Variants in PAPOLA observed in about 807,000 individuals in gnomAD.
PAPOLA encodes poly(A) polymerase alpha.
In PAPOLA, 15 loss-of-function variants were observed where a neutral mutation model predicts 100.6. The ratio of observed to expected loss-of-function variants is 0.15; its 90% confidence interval spans 0.10 to 0.23. The LOEUF is 0.23. Ranked by LOEUF, PAPOLA falls within the 10% of genes least tolerant of loss-of-function variation. The probability of loss-of-function intolerance (pLI) is 1.00; values close to 1 mark genes in which losing one functional copy is unlikely to be tolerated. For missense variants in PAPOLA, 533 were observed against 884.2 expected (o/e 0.60, Z 5.04); for synonymous variants, 293 against 300.0 (o/e 0.98, Z 0.24).
At chr14:96,547,533 T>G (rs1006669438) in intron 15 of PAPOLA, among the ~76,000 whole-genome samples, 6 of 152,150 alleles carry the variant, frequency 3.9e-5, no homozygotes, top group Admixed American at 3.3e-4. Flanking sequence ...AGTTACTCTT[T>G]AGAGTTACTA....
intron 17 of PAPOLA, among the ~76,000 whole-genome samples, chr14:96,555,021 A>G (rs1012099378): frequency 6.6e-6 from 1 of 152,106 alleles, no homozygotes; most frequent in African/African-American, 2.4e-5. Context: ...AAAATGAGAG[A>G]GAAACTTCGG....
At chr14:96,526,281 A>T (rs1375370956) in intron 4 of PAPOLA, 1 of 152,252 alleles carries the variant, frequency 6.6e-6, no homozygotes, top group Non-Finnish European at 1.5e-5. Context: ...AAGAGGCAAT[A>T]AAGCTTGAAC....
At chr14:96,554,600 G>A (rs1901133601) in intron 17 of PAPOLA, among the ~76,000 whole-genome samples, 1 of 152,154 alleles carries the variant, frequency 6.6e-6, no homozygotes, top group South Asian at 2.1e-4. Flanking sequence ...CTCTGAGAGA[G>A]AGAGAGAGAA....
chr14:96,509,622 T>G (rs1180624678), intron 1 of PAPOLA, among the ~76,000 whole-genome samples: 1 of 152,202 alleles, frequency 6.6e-6, no homozygotes, highest in Non-Finnish European at 1.5e-5. Context: ...TATAGCCTGC[T>G]ATGCACCTAG....
chr14:96,534,588 C>A (rs1416828137), intron 10 of PAPOLA, 25 bp downstream of exon 10: 2 of 1,613,694 alleles, frequency 1.2e-6, no homozygotes, highest in Non-Finnish European at 8.5e-7. Flanking sequence ...TTTTCCCCTA[C>A]CAATTCACAC....
At position 96,552,576 on chromosome 14, in the gene PAPOLA, A is replaced by G. The variant is rs1430404863; in HGVS notation, c.1618A>G (p.Ser540Gly). The change falls in exon 17 of 22, where the codon AGT becomes GGT. Residue 540 changes from serine to glycine, a missense_variant. By Grantham distance (56) the Ser-to-Gly change is moderately conservative (BLOSUM62 0). Coordinates refer to ENST00000216277, the MANE Select transcript of PAPOLA (RefSeq NM_032632.5). Reference protein sequence around the residue: ...DNSMSVPSPTSATKTSPLNSS... With the variant: ...DNSMSVPSPTGATKTSPLNSS... ...CAGCATGTCTGTGCCTTCACCTACTAGTGCTACGAAGACCAGTCCATTGAA... is the reference window on the plus strand; with the variant it reads ...CAGCATGTCTGTGCCTTCACCTACTGGTGCTACGAAGACCAGTCCATTGAA... 16 of 1,613,940 alleles carry G rather than the reference A, an allele frequency of 9.9e-6. No homozygotes were observed. The highest frequency in any genetic ancestry group is 1.3e-5 in the Non-Finnish European group (15 of 1,179,912).
chr14:96,546,959 G>C (rs1176020354), intron 15 of PAPOLA, among the ~76,000 whole-genome samples: 1 of 152,090 alleles, frequency 6.6e-6, no homozygotes, highest in Non-Finnish European at 1.5e-5. Context: ...ACATCCTCAT[G>C]TTCATTTAAA....
chr14:96,529,703 CAG>C (rs1017824951), intron 6 of PAPOLA, among the ~76,000 whole-genome samples: 5 of 151,966 alleles, frequency 3.3e-5, no homozygotes, highest in Admixed American at 6.6e-5. Flanking sequence ...GCCTGGGCGA[CAG>C]AGCAAGACTC....
chr14:96,517,579 C>A (rs1897570599), intron 1 of PAPOLA, among the ~76,000 whole-genome samples: 2 of 151,858 alleles, frequency 1.3e-5, no homozygotes, highest in Non-Finnish European at 2.9e-5. Context: ...GAAAAAAAAA[C>A]CTGTGTGTGA....
At chr14:96,533,438 TAAA>T in intron 9 of PAPOLA, 1 of 981,496 alleles carries the variant, frequency 1.0e-6, no homozygotes, top group East Asian at 1.1e-4. Flanking sequence ...GGAGGAAAAA[TAAA>T]AAAAATTTAG....
chr14:96,548,323 T>C (rs1900555090), intron 16 of PAPOLA, among the ~76,000 whole-genome samples: 1 of 152,082 alleles, frequency 6.6e-6, no homozygotes, highest in Non-Finnish European at 1.5e-5. Context: ...TCGCTTTTTT[T>C]GGTGAATGTA....
At chr14:96,557,556 C>T (rs1595558576) in intron 19 of PAPOLA, among the ~76,000 whole-genome samples, 1 of 146,644 alleles carries the variant, frequency 6.8e-6, no homozygotes, top group Non-Finnish European at 1.5e-5. Flanking sequence ...TCTAAAAGCA[C>T]CAATTTCATT....
chr14:96,549,117 C>A (rs1424431853), intron 16 of PAPOLA, among the ~76,000 whole-genome samples: 1 of 152,146 alleles, frequency 6.6e-6, no homozygotes, highest in African/African-American at 2.4e-5. Context: ...TTTAGACTAG[C>A]TCCTGGCACA....
chr14:96,510,679 C>T (rs756029321), intron 1 of PAPOLA, among the ~76,000 whole-genome samples: 5 of 152,212 alleles, frequency 3.3e-5, no homozygotes, highest in African/African-American at 4.8e-5. Context: ...CATCTTTGAG[C>T]CTCTGCTGCT....
intron 9 of PAPOLA, chr14:96,533,085 C>T (rs922306714): frequency 5.3e-5 from 52 of 976,898 alleles, no homozygotes; most frequent in Middle Eastern, 5.2e-4. Flanking sequence ...ATTAAAGATA[C>T]GAATTTTCAT....
intron 15 of PAPOLA, among the ~76,000 whole-genome samples, chr14:96,544,630 T>C (rs1458414847): frequency 6.6e-6 from 1 of 152,072 alleles, no homozygotes; most frequent in Non-Finnish European, 1.5e-5. Context: ...TTAGGGATAC[T>C]CAACCTGTGT....
intron 12 of PAPOLA, 28 bp downstream of exon 12, chr14:96,537,088 G>A (rs1595534684): frequency 8.2e-7 from 1 of 1,218,584 alleles, no homozygotes; most frequent in East Asian, 2.3e-5. Context: ...TGTCGGACAT[G>A]TTGCTCTCTT....
chr14:96,522,655 T>G (rs2140261622), intron 3 of PAPOLA, among the ~76,000 whole-genome samples: 1 of 152,280 alleles, frequency 6.6e-6, no homozygotes, highest in East Asian at 1.9e-4. Context: ...TCTGCTTGCC[T>G]TGGCTTCCCA....
chr14:96,560,802 T>C (rs1901779648), intron 20 of PAPOLA, 91 bp downstream of exon 20: 3 of 882,632 alleles, frequency 3.4e-6, no homozygotes, highest in South Asian at 3.0e-5. Flanking sequence ...TTTTGTGCTA[T>C]AGGTTTTAGA....
Sources: allele counts gnomAD v4.1 joint callset (sites outside exome capture counted in the v4.1 genomes callset), GRCh38; gene constraint gnomAD v4.1.1; transcripts MANE v1.5; gene names NCBI Gene and HGNC (gene_info 2026-07-23, HGNC 2026-07-21).